Variants in TLL1 observed in about 807,000 individuals in gnomAD.
TLL1 encodes the protein tolloid-like protein 1.
A neutral mutation model predicts 128.2 loss-of-function variants in TLL1; 49 were observed. The observed-to-expected ratio is 0.38, with a 90% CI of 0.30 to 0.48. TLL1 has a LOEUF of 0.48. Among genes scored for constraint, TLL1 ranks in the 20% least tolerant of loss-of-function variants. TLL1 has a pLI of 0.96. For synonymous variants in TLL1, 454 were observed against 418.8 expected (o/e 1.08, Z -1.03); for missense variants, 1,123 against 1,242.0 (o/e 0.90, Z 1.44).
chr4:166,068,017 A>T lies in TLL1; in HGVS notation c.2188+2154A>T, dbSNP rs992060282. Among the ~76,000 whole-genome samples, 6 of 151,704 alleles carry T rather than the reference A, an allele frequency of 4.0e-5. No individual in the cohort carries two copies. The Admixed American group carries it at 4.0e-4, about 10-fold the overall frequency. ...CAGCAGATATAATTTTCCCTTCTTT[A>T]TTAGATTATTGTTTTGTAAAGTCCA... On this transcript the variant is annotated intron_variant, in intron 16 of 20. Transcript: ENST00000061240.
chr4:166,005,511 A>G (rs1402422801), intron 6 of TLL1, among the ~76,000 whole-genome samples: 3 of 152,088 alleles, frequency 2.0e-5, no homozygotes, highest in East Asian at 1.9e-4. Flanking sequence ...AGCCAAGGAA[A>G]TAAATAATTT....
At chr4:166,023,984 A>G (rs1738371800) in intron 8 of TLL1, among the ~76,000 whole-genome samples, 1 of 152,116 alleles carries the variant, frequency 6.6e-6, no homozygotes, top group Admixed American at 6.6e-5. Context: ...CCTACTTAGA[A>G]GCACATTGTT....
intron 1 of TLL1, among the ~76,000 whole-genome samples, chr4:165,884,586 A>G (rs1022263622): frequency 5.9e-5 from 9 of 152,210 alleles, no homozygotes; most frequent in Non-Finnish European, 1.2e-4. Context: ...CTGTAATCCC[A>G]ACACTTTGGG....
intron 1 of TLL1, among the ~76,000 whole-genome samples, chr4:165,960,613 C>T (rs937542296): frequency 1.3e-5 from 2 of 152,264 alleles, no homozygotes; most frequent in African/African-American, 2.4e-5. Context: ...AGTTAATTCA[C>T]CACAATCAAA....
At chr4:166,078,842 G>A (rs1741157213) in intron 18 of TLL1, among the ~76,000 whole-genome samples, 1 of 152,142 alleles carries the variant, frequency 6.6e-6, no homozygotes, top group Admixed American at 6.5e-5. Flanking sequence ...AATTGTCTGA[G>A]GAGTGAGACT....
intron 1 of TLL1, among the ~76,000 whole-genome samples, chr4:165,953,635 TATATA>T (rs1238355894): frequency 6.7e-6 from 1 of 148,960 alleles, no homozygotes; most frequent in African/African-American, 2.4e-5. Flanking sequence ...GTCATATATA[TATATA>T]TATATATAAA....
At chr4:166,077,497 T>G (rs1228131843) in intron 17 of TLL1, among the ~76,000 whole-genome samples, 1 of 152,196 alleles carries the variant, frequency 6.6e-6, no homozygotes, top group Non-Finnish European at 1.5e-5. Flanking sequence ...AAATGATGTT[T>G]CCTTTATAGG....
At chr4:165,964,121 A>G (rs1474470163) in intron 1 of TLL1, among the ~76,000 whole-genome samples, 4 of 152,316 alleles carry the variant, frequency 2.6e-5, no homozygotes, top group African/African-American at 9.6e-5. Context: ...GCTTCAAAAG[A>G]AAGATACTAG....
chr4:165,986,933 C>G (rs1356392076), intron 1 of TLL1, among the ~76,000 whole-genome samples: 2 of 152,124 alleles, frequency 1.3e-5, no homozygotes, highest in Non-Finnish European at 2.9e-5. Flanking sequence ...AGTCAACCAT[C>G]TGACTCAAAG....
At chr4:165,929,663 A>G (rs1733428437) in intron 1 of TLL1, among the ~76,000 whole-genome samples, 1 of 152,226 alleles carries the variant, frequency 6.6e-6, no homozygotes, top group African/African-American at 2.4e-5. Context: ...CAGATATAAA[A>G]AGAAGTTTTG....
intron 1 of TLL1, among the ~76,000 whole-genome samples, chr4:165,898,042 G>C (rs936313812): frequency 2.0e-5 from 3 of 151,900 alleles, no homozygotes; most frequent in Non-Finnish European, 4.4e-5. Flanking sequence ...TCTGTTATTG[G>C]TGTATAGGAA....
intron 13 of TLL1, among the ~76,000 whole-genome samples, chr4:166,056,702 A>T (rs1293967340): frequency 1.3e-5 from 2 of 152,130 alleles, no homozygotes; most frequent in African/African-American, 2.4e-5. Context: ...TTCTGAAAAA[A>T]GGCTAGGCTT....
intron 16 of TLL1, among the ~76,000 whole-genome samples, chr4:166,073,480 T>C (rs1160525828): frequency 6.6e-6 from 1 of 152,182 alleles, no homozygotes; most frequent in Non-Finnish European, 1.5e-5. Context: ...TAATTTTCTT[T>C]ATTCTGCTTT....
intron 16 of TLL1, among the ~76,000 whole-genome samples, chr4:166,070,720 C>T (rs568506262): frequency 6.6e-6 from 1 of 151,992 alleles, no homozygotes; most frequent in Non-Finnish European, 1.5e-5. Context: ...GCTCTAAATT[C>T]AAGTGATTTC....
In TLL1 at chr4:166,102,197, T is replaced by C. The variant is rs1252551989; in HGVS notation, c.*1321T>C. 2 of 152,456 alleles carry C rather than the reference T, an allele frequency of 1.3e-5. No homozygotes were observed. Among genetic ancestry groups the C allele is most frequent in the African/African-American group, 4.8e-5 (2 of 41,442 alleles). The allele number at this position is 152,456 out of a possible 1,614,324, so 9.4% of individuals were successfully genotyped here. ...ACAGATCCTCCTAAAACACACCTTTTGAAATGTTGAACATAATAGTGTATG... is the reference window on the plus strand; with the variant it reads ...ACAGATCCTCCTAAAACACACCTTTCGAAATGTTGAACATAATAGTGTATG... On this transcript the variant is annotated 3_prime_UTR_variant, in exon 21 of 21. Coordinates refer to ENST00000061240, the MANE Select transcript of TLL1 (RefSeq NM_012464.5).
intron 1 of TLL1, among the ~76,000 whole-genome samples, chr4:165,884,323 C>T (rs916297653): frequency 2.0e-5 from 3 of 152,110 alleles, no homozygotes; most frequent in African/African-American, 7.2e-5. Context: ...TGTTCTTATA[C>T]ATTTTTGCTG....
intron 1 of TLL1, among the ~76,000 whole-genome samples, chr4:165,974,432 G>A (rs1246143184): frequency 1.5e-5 from 2 of 130,922 alleles, no homozygotes; most frequent in African/African-American, 4.6e-5. Context: ...GAGCCACCGC[G>A]CCTGGCCTCA....
chr4:165,996,323 A>G (rs1178082874), intron 5 of TLL1, among the ~76,000 whole-genome samples: 1 of 152,160 alleles, frequency 6.6e-6, no homozygotes, highest in Non-Finnish European at 1.5e-5. Context: ...AACATCAACT[A>G]AGGAGCCGGG....
intron 1 of TLL1, among the ~76,000 whole-genome samples, chr4:165,989,167 G>C (rs1394371134): frequency 6.6e-6 from 1 of 151,864 alleles, no homozygotes; most frequent in African/African-American, 2.4e-5. Context: ...CTCTCCACAA[G>C]CAACAATGTA....
Sources: allele counts gnomAD v4.1 joint callset (sites outside exome capture counted in the v4.1 genomes callset), GRCh38; gene constraint gnomAD v4.1.1; transcripts MANE v1.5; gene names NCBI Gene and HGNC (gene_info 2026-07-23, HGNC 2026-07-21).